Variants in SEPTIN7 observed in about 807,000 individuals in gnomAD.
SEPTIN7 encodes the protein septin 7.
A neutral mutation model predicts 63.3 loss-of-function variants in SEPTIN7; 10 were observed. The observed-to-expected ratio is 0.16, with a 90% CI of 0.10 to 0.27. The LOEUF is 0.27. SEPTIN7 is among the 10% of genes least tolerant of loss of function. The probability of loss-of-function intolerance (pLI) is 1.00; values close to 1 mark genes in which losing one functional copy is unlikely to be tolerated. For synonymous variants in SEPTIN7, 131 were observed against 165.3 expected, an observed-to-expected ratio of 0.79 and a Z score of 1.59; for missense variants, 310 against 521.0, an observed-to-expected ratio of 0.59 and a Z score of 3.94.
Position 35,894,928 on chromosome 7 carries a change from A to T in SEPTIN7, c.999-3320A>T, listed in dbSNP as rs547814843. On this transcript the variant is annotated intron_variant, in intron 11 of 13. Transcript: ENST00000350320. Reference sequence around the variant, plus strand: ...ATTCTCTTATTGGTCACATGAAGGGATGTGGCTTGCAGGAATTTTAACCTT... The same window carrying T: ...ATTCTCTTATTGGTCACATGAAGGGTTGTGGCTTGCAGGAATTTTAACCTT... Among the ~76,000 whole-genome samples, 250 of 152,296 alleles carry T rather than the reference A, an allele frequency of 1.6e-3. 2 individuals carry two copies. Among genetic ancestry groups the T allele is most frequent in the African/African-American group, 5.8e-3 (240 of 41,562 alleles).
At chr7:35,879,100 T>C (rs530083722) in intron 6 of SEPTIN7, among the ~76,000 whole-genome samples, 4 of 152,248 alleles carry the variant, frequency 2.6e-5, no homozygotes, top group African/African-American at 9.6e-5. Flanking sequence ...GTAAGCACCA[T>C]GATAGAAGTA....
At position 35,905,824 on chromosome 7, in the gene SEPTIN7, G is replaced by A. The variant is rs1194395531; in HGVS notation, c.*1531G>A. ...CTGGAAACTGAAATTTTTTTTAACT[G>A]TAAAGAGGGTAGTGTCATTTCTTTT... On this transcript the variant is annotated 3_prime_UTR_variant, in exon 14 of 14. Coordinates refer to ENST00000350320, the MANE Select transcript of SEPTIN7 (RefSeq NM_001788.6). 6.6e-6 allele frequency: 1 copy of A among 152,116 alleles called. No homozygotes were observed. Among genetic ancestry groups the A allele is most frequent in the East Asian group, 1.9e-4 (1 of 5,196 alleles). The allele number at this position is 152,116 out of a possible 1,614,324, so 9.4% of individuals were successfully genotyped here.
chr7:35,910,447 T>C (rs1008615024), downstream of SEPTIN7, among the ~76,000 whole-genome samples: 5 of 152,252 alleles, frequency 3.3e-5, no homozygotes, highest in Non-Finnish European at 5.9e-5. Context: ...TTGAAGGTGC[T>C]GATAATGTTT....
chr7:35,896,285 A>G (rs1419839638), intron 11 of SEPTIN7, among the ~76,000 whole-genome samples: 1 of 152,196 alleles, frequency 6.6e-6, no homozygotes, highest in African/African-American at 2.4e-5. Context: ...TTTCTAATTT[A>G]ATATATTTAC....
At chr7:35,873,845 T>C in intron 6 of SEPTIN7, 70 bp downstream of exon 6, 3 of 1,414,984 alleles carry the variant, frequency 2.1e-6, no homozygotes, top group East Asian at 2.3e-5. Context: ...GTGCATACTT[T>C]AGTAATCTTT....
chr7:35,801,004 C>T (rs576467020), upstream of SEPTIN7: 299 of 447,920 alleles, frequency 6.7e-4, no homozygotes, highest in African/African-American at 5.6e-3. Flanking sequence ...AGCCAGCCTC[C>T]GCTAGGCCCG....
chr7:35,808,161 T>G (rs1450549814), intron 1 of SEPTIN7, among the ~76,000 whole-genome samples: 1 of 152,046 alleles, frequency 6.6e-6, no homozygotes, highest in Non-Finnish European at 1.5e-5. Context: ...ATATAATCAC[T>G]TGGTTCAAAA....
intron 1 of SEPTIN7, among the ~76,000 whole-genome samples, chr7:35,830,748 T>C (rs1367600222): frequency 1.3e-5 from 2 of 152,260 alleles, no homozygotes; most frequent in East Asian, 3.8e-4. Context: ...AGTATAAAAA[T>C]GCACACTTTT....
intron 12 of SEPTIN7, chr7:35,899,936 A>G (rs1788211751): frequency 6.6e-6 from 1 of 152,174 alleles, no homozygotes; most frequent in African/African-American, 2.4e-5. Flanking sequence ...ATAGTTTTAA[A>G]ACAATCTTTA....
At chr7:35,883,254 A>G (rs1023395619) in intron 8 of SEPTIN7, among the ~76,000 whole-genome samples, 5 of 152,252 alleles carry the variant, frequency 3.3e-5, no homozygotes, top group South Asian at 4.1e-4. Context: ...ATGGTTTTCT[A>G]TGTACTTTGG....
chr7:35,902,335 A>G (rs1347949452), intron 12 of SEPTIN7: 1 of 149,514 alleles, frequency 6.7e-6, no homozygotes, highest in African/African-American at 2.4e-5. Context: ...ACTGCCTCTC[A>G]GTCAGCATTC....
intron 1 of SEPTIN7, among the ~76,000 whole-genome samples, chr7:35,803,402 G>A (rs1304731846): frequency 6.6e-6 from 1 of 152,202 alleles, no homozygotes; most frequent in Non-Finnish European, 1.5e-5. Flanking sequence ...AAAGCTTGGG[G>A]GAGAAGAGGG....
At position 35,814,927 on chromosome 7, in the gene SEPTIN7, A is replaced by G. The variant is rs571336572; in HGVS notation, c.61+13657A>G. ...AAGGCAGGGCTTGCGGTGAGCCGAG[A>G]TCTCGCCACTGCACTCCAGCCTAGG... On this transcript the variant is annotated intron_variant, in intron 1 of 13. Coordinates refer to ENST00000350320, the MANE Select transcript of SEPTIN7 (RefSeq NM_001788.6). Among the ~76,000 whole-genome samples, 15 of 139,658 alleles carry G rather than the reference A, an allele frequency of 1.1e-4. No individual in the cohort carries two copies. In the South Asian group the frequency reaches 3.0e-3, roughly 28 times the overall value. The allele number at this position is 139,658 out of a possible 152,430, so 91.6% of individuals were successfully genotyped here.
chr7:35,839,210 CAGTT>C lies in SEPTIN7; in HGVS notation c.169+6313_169+6316del, dbSNP rs372966526. Among the ~76,000 whole-genome samples the C allele has an allele frequency of 4.3e-4, 65 of 152,220 alleles. 1 individual carries two copies. The highest frequency in any genetic ancestry group is 1.5e-3 in the African/African-American group (62 of 41,522). On this transcript the variant is annotated intron_variant, in intron 3 of 13. Coordinates refer to ENST00000350320, the MANE Select transcript of SEPTIN7 (RefSeq NM_001788.6). ...TCATGCTAATTCCTGAATTACATGA[CAGTT>C]AGGAAATACTAAAAAGAGAAAAAAA...
chr7:35,863,383 A>G (rs568231872), intron 3 of SEPTIN7, among the ~76,000 whole-genome samples, 169 bp from the exon 4 acceptor site: 83 of 152,190 alleles, frequency 5.5e-4, no homozygotes, highest in Non-Finnish European at 8.4e-4. Flanking sequence ...TTTGATAGCT[A>G]AGCAACTGAG....
At position 35,898,488 on chromosome 7, in the gene SEPTIN7, C is replaced by A. The variant is rs1011006458; in HGVS notation, c.1134+105C>A. 2.2e-4 allele frequency: 151 copies of A among 694,502 alleles called. 2 individuals are homozygous for A. The highest frequency in any genetic ancestry group is 5.1e-4 in the South Asian group (19 of 37,002). 43.0% of individuals were successfully genotyped at this position (694,502 alleles called of 1,614,324 possible). The stretch of plus-strand genomic sequence containing the variant: ...TATAACCTTTTTATACATATTTTTT[C>A]AAAATTAATACCCTAGTGTAACAAA... On this transcript the variant is annotated intron_variant, in intron 12 of 13. Transcript: ENST00000350320.
chr7:35,894,883 T>C (rs1329494619), intron 11 of SEPTIN7, among the ~76,000 whole-genome samples: 1 of 152,190 alleles, frequency 6.6e-6, no homozygotes, highest in Admixed American at 6.5e-5. Flanking sequence ...AGGTCATCCT[T>C]ATGTGGCATG....
chr7:35,801,867 C>T (rs1405852618), intron 1 of SEPTIN7, among the ~76,000 whole-genome samples: 1 of 152,038 alleles, frequency 6.6e-6, no homozygotes, highest in Non-Finnish European at 1.5e-5. Flanking sequence ...GCCGCAGCTC[C>T]AGTCACCGCG....
At chr7:35,828,712 C>T (rs192933778) in intron 1 of SEPTIN7, among the ~76,000 whole-genome samples, 1 of 152,214 alleles carries the variant, frequency 6.6e-6, no homozygotes, top group East Asian at 1.9e-4. Context: ...CTTTGGGAAT[C>T]CAATCCTGTT....
Sources: gnomAD v4.1 joint callset for allele counts (sites outside exome capture counted in the v4.1 genomes callset) on GRCh38, gnomAD v4.1.1 for gene constraint, MANE v1.5 for transcripts, NCBI Gene and HGNC (gene_info 2026-07-23, HGNC 2026-07-21) for gene names.